Variants in HDAC5 observed in about 807,000 individuals in gnomAD.
HDAC5 encodes histone deacetylase 5.
Under a neutral mutation model 133.3 loss-of-function variants are expected in HDAC5, and 25 were observed. That is an observed-to-expected ratio of 0.19 (90% CI 0.14 to 0.26). The LOEUF is 0.26. Ranked by LOEUF, HDAC5 falls within the 10% of genes least tolerant of loss-of-function variation. The pLI is 1.00. For synonymous variants in HDAC5, 589 were observed against 610.8 expected (o/e 0.96, Z 0.53); for missense variants, 1,041 against 1,460.5 (o/e 0.71, Z 4.68).
At chr17:44,111,728 A>G (rs1386059326) in intron 2 of HDAC5, 1 of 503,700 alleles carries the variant, frequency 2.0e-6, no homozygotes, top group Non-Finnish European at 3.9e-6. Flanking sequence ...CAACCAGCAG[A>G]GAGACCCCTA....
chr17:44,083,502 A>C, intron 18 of HDAC5, 43 bp downstream of exon 18: 1 of 1,418,444 alleles, frequency 7.0e-7, no homozygotes, highest in Non-Finnish European at 9.9e-7. Flanking sequence ...TCTGAGGAGC[A>C]GGGCCATGCC....
intron 3 of HDAC5, among the ~76,000 whole-genome samples, chr17:44,108,757 AAAAACAAAAAAAAAAC>A (rs1445385951): frequency 7.4e-6 from 1 of 135,210 alleles, no homozygotes; most frequent in East Asian, 2.2e-4. Flanking sequence ...AGTCCAAAAA[AAAAACAAAAAAAAAAC>A]AAAAAAAAAA....
chr17:44,079,149 C>T lies in HDAC5; in HGVS notation c.3073G>A (p.Val1025Ile). Residue 1025 changes from valine (V) to isoleucine (I), a missense_variant, in exon 24 of 27, where the codon GTA becomes ATA. Physicochemically the swap from Val to Ile is conservative, Grantham distance 29. Around this residue, in one of 9 missense-constraint regions of HDAC5, gnomAD observed 174 missense variants for 352.7 expected, o/e 0.49. Coordinates refer to ENST00000682912, the MANE Select transcript of HDAC5 (RefSeq NM_005474.5). ...AGCTCCTTCCCACCCCTTACCTCTA[C>T]ACTGAGCAGAGCCGAGACACAAGCC... Reference protein sequence around the residue: ...SEACVSALLSVELQPLDEAVL... With the variant: ...SEACVSALLSIELQPLDEAVL... 3 of 1,613,482 alleles carry T rather than the reference C, an allele frequency of 1.9e-6. No individual in the cohort carries two copies. Among genetic ancestry groups the T allele is most frequent in the Non-Finnish European group, 2.5e-6 (3 of 1,179,608 alleles).
At chr17:44,110,580 A>G in intron 3 of HDAC5, 149 bp downstream of exon 3, 1 of 648,442 alleles carries the variant, frequency 1.5e-6, no homozygotes, top group Non-Finnish European at 2.7e-6. Context: ...CTCTCTGAGC[A>G]GGGATCCCCC....
chr17:44,088,286 C>T (rs1429122094), intron 12 of HDAC5, 101 bp downstream of exon 12: 5 of 1,468,108 alleles, frequency 3.4e-6, no homozygotes, highest in East Asian at 2.5e-5. Context: ...CAGGCGCGAG[C>T]CACCGTGTCT....
chr17:44,102,695 C>G (rs1598000493), intron 3 of HDAC5, among the ~76,000 whole-genome samples: 1 of 137,870 alleles, frequency 7.3e-6, no homozygotes, highest in Non-Finnish European at 1.5e-5. Flanking sequence ...GAGACAGTCT[C>G]TCTGTTGCCC....
chr17:44,080,391 C>T lies in HDAC5; in HGVS notation c.2825+10G>A, dbSNP rs535899624. On this transcript the variant is annotated intron_variant, in intron 22 of 26. Coordinates refer to ENST00000682912, the MANE Select transcript of HDAC5 (RefSeq NM_005474.5). ...TCCCACTGACTACCATGGCCCTTTTCAGTCCCTACCTGAAGGCTGTAAGGT... is the reference window on the plus strand; with the variant it reads ...TCCCACTGACTACCATGGCCCTTTTTAGTCCCTACCTGAAGGCTGTAAGGT... The T allele has an allele frequency of 6.2e-7, 1 of 1,612,942 alleles. No individual in the cohort carries two copies. The highest frequency in any genetic ancestry group is 1.3e-5 in the African/African-American group (1 of 75,010).
chr17:44,112,081 T>C (rs951149337), intron 2 of HDAC5, among the ~76,000 whole-genome samples: 53 of 152,264 alleles, frequency 3.5e-4, no homozygotes, highest in African/African-American at 1.3e-3. Flanking sequence ...GCTGCTTACA[T>C]GGCAGGGCTG....
chr17:44,107,345 A>T (rs2052022351), intron 3 of HDAC5, among the ~76,000 whole-genome samples: 1 of 152,218 alleles, frequency 6.6e-6, no homozygotes, highest in Non-Finnish European at 1.5e-5. Flanking sequence ...GTGGTGGCTC[A>T]CGCCTGCAAT....
chr17:44,088,685 C>T (rs2050787686), intron 11 of HDAC5, 87 bp from the exon 12 acceptor site: 2 of 1,515,716 alleles, frequency 1.3e-6, no homozygotes, highest in Non-Finnish European at 8.9e-7. Context: ...CCCACAACCC[C>T]CTCTGGCATA....
rs569842310 is a variant in HDAC5, at chr17:44,100,614, G to A, written c.95-6780C>T. Reference sequence around the variant, plus strand: ...AAAAAAAAAAAAATTAGCTGGGCATGGTGGCCCACACCTGTAATCCCAGCT... The same window carrying A: ...AAAAAAAAAAAAATTAGCTGGGCATAGTGGCCCACACCTGTAATCCCAGCT... On this transcript the variant is annotated intron_variant, in intron 3 of 26. Coordinates refer to ENST00000682912, the MANE Select transcript of HDAC5 (RefSeq NM_005474.5). Among the ~76,000 whole-genome samples the A allele has an allele frequency of 2.0e-5, 3 of 149,408 alleles. 1 individual carries two copies. The South Asian group carries it at 6.3e-4, about 32-fold the overall frequency.
intron 23 of HDAC5, 75 bp from the exon 24 acceptor site, chr17:44,079,352 A>T (rs1199370561): frequency 1.3e-6 from 2 of 1,509,810 alleles, no homozygotes; most frequent in Non-Finnish European, 1.8e-6. Context: ...GTAAGAGGAG[A>T]GAAAAAAGGC....
chr17:44,080,520 G>A, intron 21 of HDAC5, 22 bp from the exon 22 acceptor site: 2 of 1,608,814 alleles, frequency 1.2e-6, no homozygotes, highest in Middle Eastern at 1.7e-4. Context: ...GTTGGGGAGA[G>A]GGCTATTCTC....
chr17:44,081,847 C>G (rs1288974661), intron 20 of HDAC5: 1 of 152,218 alleles, frequency 6.6e-6, no homozygotes, highest in Non-Finnish European at 1.5e-5. Context: ...TCCCAAAATG[C>G]TGGGATTACA....
intron 3 of HDAC5, among the ~76,000 whole-genome samples, chr17:44,099,479 C>CT (rs778651601): frequency 0.011 from 1,627 of 143,914 alleles, 25 homozygotes; most frequent in African/African-American, 0.036. Flanking sequence ...TTCGTTTTTT[C>CT]TTTTTTTTTT....
At chr17:44,114,483 G>A (rs551378829) in intron 2 of HDAC5, among the ~76,000 whole-genome samples, 112 of 152,296 alleles carry the variant, frequency 7.4e-4, no homozygotes, top group Admixed American at 1.3e-3. Flanking sequence ...GGGAAAGAGA[G>A]AAAGTGTGAA....
chr17:44,078,537 G>C lies in HDAC5; in HGVS notation c.3292C>G (p.Gln1098Glu), dbSNP rs1006281770. The change falls in exon 26 of 27, where the codon CAG becomes GAG. Residue 1098 changes from glutamine (Q) to glutamate (E), a missense_variant. Gln to Glu is a conservative substitution (Grantham distance 29, BLOSUM62 2). Around this residue, in one of 9 missense-constraint regions of HDAC5, gnomAD observed 95 missense variants for 107.3 expected, o/e 0.88. Coordinates refer to ENST00000682912, the MANE Select transcript of HDAC5 (RefSeq NM_005474.5). ...AMALLSVGAE[Q>E]AQAAAAREHS... is the part of the protein sequence containing the mutation. ...TCCCGGGCTGCCGCAGCCTGGGCCT[G>C]CTCGGCCCCCACCGACAGCAAGGCC... is the stretch of plus-strand genomic sequence containing the variant. 6.2e-7 allele frequency: 1 copy of C among 1,612,174 alleles called. No individual in the cohort carries two copies. The highest frequency in any genetic ancestry group is 8.5e-7 in the Non-Finnish European group (1 of 1,179,702).
At chr17:44,088,962 G>C (rs955193946) in intron 11 of HDAC5, among the ~76,000 whole-genome samples, 2 of 151,876 alleles carry the variant, frequency 1.3e-5, no homozygotes, top group Non-Finnish European at 2.9e-5. Context: ...GATCCTCCCC[G>C]TGGATCCCGC....
intron 23 of HDAC5, among the ~76,000 whole-genome samples, chr17:44,079,653 AAAAAAAAG>A: frequency 6.6e-6 from 1 of 151,710 alleles, no homozygotes; most frequent in African/African-American, 2.4e-5. Context: ...AAAAAAAAAA[AAAAAAAAG>A]AAAGAAAAGG....
Sources: allele counts gnomAD v4.1 joint callset (sites outside exome capture counted in the v4.1 genomes callset), GRCh38; gene constraint gnomAD v4.1.1; regional missense constraint gnomAD v4.1.1; transcripts MANE v1.5; gene names NCBI Gene and HGNC (gene_info 2026-07-23, HGNC 2026-07-21).